Variants in TRMT11 observed in about 807,000 individuals in gnomAD.
TRMT11 encodes tRNA (guanine(10)-N(2))-methyltransferase TRMT11.
Under a neutral mutation model 62.8 loss-of-function variants are expected in TRMT11, and 53 were observed. The observed-to-expected ratio is 0.84, with a 90% confidence interval of 0.68 to 1.06. TRMT11 has a LOEUF of 1.06. Among genes scored for constraint, TRMT11 ranks in the 50% least tolerant of loss-of-function variants. TRMT11 has a pLI of 0.00. For missense variants in TRMT11, 556 were observed against 553.4 expected (o/e 1.00, Z -0.05); for synonymous variants, 188 against 190.3 (o/e 0.99, Z 0.10).
intron 12 of TRMT11, among the ~76,000 whole-genome samples, chr6:126,028,884 CAT>C (rs1253758136): frequency 6.6e-5 from 10 of 152,050 alleles, no homozygotes; most frequent in African/African-American, 2.4e-4. Context: ...TGAGAGAACA[CAT>C]GTCTTTATGG....
chr6:126,240,930 C>T, the TRMT11 span, among the ~76,000 whole-genome samples: 3 of 152,336 alleles, frequency 2.0e-5, no homozygotes, highest in East Asian at 1.9e-4. Context: ...CCCCCAGCCT[C>T]GCTGCTGCCT....
chr6:126,020,821 ATGT>A (rs1795709535), intron 11 of TRMT11, among the ~76,000 whole-genome samples: 1 of 152,126 alleles, frequency 6.6e-6, no homozygotes, highest in Non-Finnish European at 1.5e-5. Context: ...ATGTCAAGGG[ATGT>A]TGTTGAGTGT....
At chr6:126,228,327 G>C in the TRMT11 span, among the ~76,000 whole-genome samples, 10 of 152,162 alleles carry the variant, frequency 6.6e-5, no homozygotes, top group African/African-American at 1.9e-4. Context: ...GAAGCAAGTC[G>C]CTCTGCTTTC....
At chr6:126,224,241 T>C in the TRMT11 span, among the ~76,000 whole-genome samples, 2 of 152,258 alleles carry the variant, frequency 1.3e-5, no homozygotes, top group Non-Finnish European at 2.9e-5. Flanking sequence ...TTGCCAGGGT[T>C]CTGGCATTCA....
intron 17 of TRMT11, among the ~76,000 whole-genome samples, chr6:126,061,169 C>T (rs576935700): frequency 6.6e-6 from 1 of 152,278 alleles, no homozygotes; most frequent in Non-Finnish European, 1.5e-5. Flanking sequence ...CATCTGAAGC[C>T]CCAGAGCTTT....
At chr6:126,168,254 T>A (rs963179412) in intron 21 of TRMT11, among the ~76,000 whole-genome samples, 1 of 152,108 alleles carries the variant, frequency 6.6e-6, no homozygotes, top group African/African-American at 2.4e-5. Context: ...TTAGGGGGAG[T>A]TCTTTATGGT....
At chr6:126,216,616 G>A in the TRMT11 span, among the ~76,000 whole-genome samples, 4 of 152,076 alleles carry the variant, frequency 2.6e-5, no homozygotes, top group African/African-American at 9.7e-5. Context: ...CAGACATATT[G>A]GTGCTCCATT....
chr6:126,012,667 G>A (rs889033053), intron 9 of TRMT11, 104 bp from the exon 10 acceptor site: 2 of 741,014 alleles, frequency 2.7e-6, no homozygotes, highest in Middle Eastern at 2.4e-4. Context: ...TGGTGATGTT[G>A]TGTTCTTCTC....
Position 126,018,949 on chromosome 6 carries a change from C to T in TRMT11, c.1140-2211C>T, listed in dbSNP as rs1369755478. On this transcript the variant is annotated intron_variant, in intron 11 of 12. Coordinates refer to ENST00000334379, the MANE Select transcript of TRMT11 (RefSeq NM_001031712.3). Reference sequence around the variant, plus strand: ...AGGCTGGAGTGCAGTGGCGTGATCTCGGCTCACTACAACCTCCACCTCCCA... The same window carrying T: ...AGGCTGGAGTGCAGTGGCGTGATCTTGGCTCACTACAACCTCCACCTCCCA... Among the ~76,000 whole-genome samples, 10 of 152,120 alleles carry T rather than the reference C, an allele frequency of 6.6e-5. No individual in the cohort carries two copies. In the South Asian group the frequency reaches 8.3e-4, roughly 13 times the overall value.
At chr6:126,261,244 T>C in the TRMT11 span, among the ~76,000 whole-genome samples, 1 of 152,306 alleles carries the variant, frequency 6.6e-6, no homozygotes, top group South Asian at 2.1e-4. Context: ...ATTAACTGAT[T>C]TTTTTCAGCT....
chr6:126,090,419 T>G (rs181272089), intron 17 of TRMT11, among the ~76,000 whole-genome samples: 84 of 152,328 alleles, frequency 5.5e-4, no homozygotes, highest in Admixed American at 3.0e-3. Context: ...CCTGATCTGA[T>G]TAGATTTCTA....
the TRMT11 span, among the ~76,000 whole-genome samples, chr6:126,219,105 G>A: frequency 5.9e-5 from 9 of 152,160 alleles, no homozygotes; most frequent in Non-Finnish European, 1.0e-4. Flanking sequence ...GGCAATTCAC[G>A]ACTGTCATTC....
At chr6:126,169,421 A>C (rs550582571) in intron 21 of TRMT11, among the ~76,000 whole-genome samples, 30 of 152,364 alleles carry the variant, frequency 2.0e-4, no homozygotes, top group Admixed American at 1.6e-3. Flanking sequence ...GTATTTGGGC[A>C]ACAATGGTGC....
intron 1 of TRMT11, among the ~76,000 whole-genome samples, chr6:126,189,271 T>G (rs1778565802): frequency 6.6e-6 from 1 of 152,048 alleles, no homozygotes; most frequent in Non-Finnish European, 1.5e-5. Context: ...AGTGGTGAGG[T>G]TAAATGAGTT....
intron 1 of TRMT11, among the ~76,000 whole-genome samples, chr6:126,187,121 C>G (rs1325089996): frequency 6.6e-6 from 1 of 151,524 alleles, no homozygotes; most frequent in Non-Finnish European, 1.5e-5. Flanking sequence ...CTAGCCAGTA[C>G]AATAAGGAGA....
At chr6:126,027,276 AC>A (rs1476589910) in intron 12 of TRMT11, among the ~76,000 whole-genome samples, 1 of 152,174 alleles carries the variant, frequency 6.6e-6, no homozygotes, top group Non-Finnish European at 1.5e-5. Context: ...TATAATAGTT[AC>A]GTTTTCAATG....
At chr6:126,209,934 T>C in the TRMT11 span, among the ~76,000 whole-genome samples, 1 of 152,230 alleles carries the variant, frequency 6.6e-6, no homozygotes, top group African/African-American at 2.4e-5. Context: ...GGCTCTACGC[T>C]CTTCTCACTC....
chr6:126,094,057 A>T (rs956194209), intron 17 of TRMT11, among the ~76,000 whole-genome samples: 6 of 152,056 alleles, frequency 3.9e-5, no homozygotes, highest in Middle Eastern at 3.4e-3. Flanking sequence ...TTAATTCATG[A>T]TTATCTAAGC....
chr6:126,059,101 C>T (rs565195002), intron 17 of TRMT11, among the ~76,000 whole-genome samples: 23 of 132,468 alleles, frequency 1.7e-4, no homozygotes, highest in Non-Finnish European at 1.5e-4. Context: ...CCAGGCTGGT[C>T]TCAGAATCCT....
Sources: allele counts gnomAD v4.1 joint callset (sites outside exome capture counted in the v4.1 genomes callset), GRCh38; gene constraint gnomAD v4.1.1; transcripts MANE v1.5; gene names NCBI Gene and HGNC (gene_info 2026-07-23, HGNC 2026-07-21).